Variants in CAMKK2 observed in about 807,000 individuals in gnomAD.
CAMKK2 encodes calcium/calmodulin-dependent protein kinase kinase 2.
CAMKK2 carries 30 observed loss-of-function variants against 67.2 expected under a neutral mutation model. The observed-to-expected ratio is 0.45, with a 90% confidence interval of 0.33 to 0.61. The LOEUF (loss-of-function observed/expected upper bound fraction) is 0.61. Among genes scored for constraint, CAMKK2 ranks in the 20% least tolerant of loss-of-function variants. The pLI, the probability that CAMKK2 is intolerant of heterozygous loss-of-function variation, is 0.02. For synonymous variants in CAMKK2, 322 were observed against 326.2 expected (o/e 0.99, Z 0.14); for missense variants, 643 against 802.0 (o/e 0.80, Z 2.39).
rs200126033 is a variant in CAMKK2 at position 121,244,026 on chromosome 12, G to C, written c.1596+547C>G. 13 of 1,567,606 alleles carry C rather than the reference G, an allele frequency of 8.3e-6. No homozygotes were observed. The African/African-American group carries it at 1.8e-4, about 21-fold the overall frequency. On this transcript the variant is annotated intron_variant, in intron 16 of 16. Transcript: ENST00000404169. ...TTCTGGTCACCTGGGCTGGCTATGT[G>C]TATGAAGGAAGGGTGGCTGACAGCA...
rs200997779 is a variant in CAMKK2 at position 121,252,633 on chromosome 12, T to C, written c.1161+28A>G. Reference sequence around the variant, plus strand: ...TAACCCAGGGGCCACCCAGCAGTACTGAGGGGACAGACACCCCGCCCTCTT... The same window carrying C: ...TAACCCAGGGGCCACCCAGCAGTACCGAGGGGACAGACACCCCGCCCTCTT... On this transcript the variant is annotated intron_variant, in intron 11 of 16. Transcript: ENST00000404169. 22 of 1,610,574 alleles carry C rather than the reference T, an allele frequency of 1.4e-5. No individual in the cohort carries two copies. In the African/African-American group the frequency reaches 2.9e-4, roughly 22 times the overall value.
In CAMKK2 at chr12:121,248,746, G is replaced by A. The variant is rs200461788; in HGVS notation, c.1324-12C>T. ...ACCCAGGGGTGCAGCTTCAACGAAC[G>A]ACAGGAGGGGTGAGGGGCAGGTGTG... On this transcript the variant is annotated splice_polypyrimidine_tract_variant and intron_variant, in intron 13 of 16. Transcript: ENST00000404169. 22 of 1,613,622 alleles carry A rather than the reference G, an allele frequency of 1.4e-5. No individual in the cohort carries two copies. Among genetic ancestry groups the A allele is most frequent in the Middle Eastern group, 1.6e-4 (1 of 6,084 alleles).
intron 13 of CAMKK2, among the ~76,000 whole-genome samples, chr12:121,249,576 T>C (rs1890224425): frequency 6.6e-6 from 1 of 152,108 alleles, no homozygotes; most frequent in Admixed American, 6.6e-5. Context: ...TGGCGGGTCA[T>C]AGATCCCACT....
intron 1 of CAMKK2, among the ~76,000 whole-genome samples, chr12:121,288,439 T>C (rs538154875): frequency 3.9e-4 from 59 of 151,946 alleles, no homozygotes; most frequent in Non-Finnish European, 7.8e-4. Flanking sequence ...GGGCCCAACG[T>C]CCCCACACCT....
intron 14 of CAMKK2, 71 bp downstream of exon 14, chr12:121,248,535 G>T: frequency 6.3e-7 from 1 of 1,588,070 alleles, no homozygotes; most frequent in Non-Finnish European, 8.6e-7. Flanking sequence ...GCCTGTGTCC[G>T]GCCTGTCCTG....
At chr12:121,256,564 C>T (rs1892341398) in intron 7 of CAMKK2, among the ~76,000 whole-genome samples, 1 of 152,112 alleles carries the variant, frequency 6.6e-6, no homozygotes. Context: ...TTCTTCCCTC[C>T]CTCAATCCCC....
chr12:121,278,087 G>T (rs1897133895), intron 1 of CAMKK2, among the ~76,000 whole-genome samples: 1 of 152,146 alleles, frequency 6.6e-6, no homozygotes, highest in African/African-American at 2.4e-5. Context: ...TCAGGAGAGG[G>T]GAGCAGTTGG....
In CAMKK2 at chr12:121,240,596, A is replaced by G; in HGVS notation, c.*103T>C. The G allele has an allele frequency of 5.2e-6, 8 of 1,533,626 alleles. No individual in the cohort carries two copies. The highest frequency in any genetic ancestry group is 6.1e-6 in the Non-Finnish European group (7 of 1,146,414). On this transcript the variant is annotated 3_prime_UTR_variant, in exon 17 of 17. Transcript: ENST00000404169. This position sits in a 1 kb window ranked among gnomAD's most constrained non-coding sequence, Gnocchi z 4.4. ...AACCAGAGATGACGATCGAGGCTCT[A>G]CACACGTGCTGGGTTTCCGTAGGAC... is the stretch of plus-strand genomic sequence containing the variant.
Position 121,245,307 on chromosome 12 carries a change from A to ATCC in CAMKK2, c.1453-70_1453-68dup. ...CCATGTGGGGGCGATTCTGGGCAACATCCTCCCTCTTCCTTCTCCCCAGCC... is the reference window on the plus strand; with the variant it reads ...CCATGTGGGGGCGATTCTGGGCAACATCCTCCTCCCTCTTCCTTCTCCCCAGCC... On this transcript the variant is annotated intron_variant, in intron 14 of 16. Coordinates refer to ENST00000404169, the MANE Select transcript of CAMKK2 (RefSeq NM_001270485.2). This position sits in a 1 kb window ranked among gnomAD's most constrained non-coding sequence, Gnocchi z 5.8. 1.0e-6 allele frequency: 1 copy of ATCC among 964,284 alleles called. No individual in the cohort carries two copies. The highest frequency in any genetic ancestry group is 2.0e-5 in the Admixed American group (1 of 50,192). The allele number at this position is 964,284 out of a possible 1,614,324, so 59.7% of individuals were successfully genotyped here.
rs578159967 is a variant in CAMKK2, at chr12:121,285,460, A to T, written c.-59-10875T>A. On this transcript the variant is annotated intron_variant, in intron 1 of 16. Transcript: ENST00000404169. This position sits in a 1 kb window ranked among gnomAD's most constrained non-coding sequence, Gnocchi z 4.1. ...GGAGGTTGCAGTGAGCCAAGATTGCACCACTGCACTCCAGCCTGGGCAACA... is the reference window on the plus strand; with the variant it reads ...GGAGGTTGCAGTGAGCCAAGATTGCTCCACTGCACTCCAGCCTGGGCAACA... Among the ~76,000 whole-genome samples the T allele has an allele frequency of 6.6e-6, 1 of 152,138 alleles. No individual in the cohort carries two copies. The highest frequency in any genetic ancestry group is 2.4e-5 in the African/African-American group (1 of 41,506).
At chr12:121,289,722 G>A (rs535812952) in intron 1 of CAMKK2, among the ~76,000 whole-genome samples, 71 of 152,086 alleles carry the variant, frequency 4.7e-4, no homozygotes, top group African/African-American at 1.6e-3. Context: ...GTGAAACCTC[G>A]TCTCCACTAA....
intron 11 of CAMKK2, among the ~76,000 whole-genome samples, chr12:121,250,619 C>T (rs1050877146): frequency 1.3e-5 from 2 of 152,032 alleles, no homozygotes; most frequent in Non-Finnish European, 2.9e-5. Flanking sequence ...ATGCCGCCAC[C>T]GCCCACATCA....
intron 14 of CAMKK2, among the ~76,000 whole-genome samples, chr12:121,247,844 AG>A: frequency 6.6e-6 from 1 of 152,166 alleles, no homozygotes; most frequent in Admixed American, 6.5e-5. Flanking sequence ...CCCAGAGCCC[AG>A]GGGCCCGCCG....
intron 2 of CAMKK2, among the ~76,000 whole-genome samples, chr12:121,271,957 G>T (rs562418812): frequency 4.8e-4 from 73 of 152,060 alleles, no homozygotes; most frequent in Admixed American, 8.5e-4. Context: ...TTATCCTCCC[G>T]CCTTGGCCTC....
In CAMKK2 at chr12:121,240,212, T is replaced by A; in HGVS notation, c.*487A>T. ...TGCTCTGACTCCTTGAGACCACGGC[T>A]CTGGAAGGTGCCATGGTTTCCGGTT... On this transcript the variant is annotated 3_prime_UTR_variant, in exon 17 of 17. Coordinates refer to ENST00000404169, the MANE Select transcript of CAMKK2 (RefSeq NM_001270485.2). This position sits in a 1 kb window ranked among gnomAD's most constrained non-coding sequence, Gnocchi z 4.4. 1.7e-6 allele frequency: 1 copy of A among 584,140 alleles called. No homozygotes were observed. 36.2% of individuals were successfully genotyped at this position (584,140 alleles called of 1,614,324 possible).
At chr12:121,266,809 TTC>T (rs1309269169) in intron 5 of CAMKK2, among the ~76,000 whole-genome samples, 6 of 151,860 alleles carry the variant, frequency 4.0e-5, no homozygotes, top group Admixed American at 2.6e-4. Flanking sequence ...CTTATCTAAT[TTC>T]TCTTTTTGGC....
In CAMKK2 at chr12:121,240,147, A is replaced by C. The variant is rs1180930827; in HGVS notation, c.*552T>G. 1.0e-5 allele frequency: 4 copies of C among 386,190 alleles called. No homozygotes were observed. Among genetic ancestry groups the C allele is most frequent in the Admixed American group, 4.2e-5 (1 of 24,060 alleles). 23.9% of individuals were successfully genotyped at this position (386,190 alleles called of 1,614,324 possible). A position where few individuals can be genotyped will look rare whatever the true frequency, so the allele number is the denominator to read the frequency against. On this transcript the variant is annotated 3_prime_UTR_variant, in exon 17 of 17. Transcript: ENST00000404169. The surrounding 1 kb of genome is among the most constrained non-coding windows in gnomAD (Gnocchi z 4.4). ...AATTTAAAAATCCTTCTTACAAATA[A>C]GTTGCATCAAAGCTCCCTGCAGCTA...
intron 1 of CAMKK2, among the ~76,000 whole-genome samples, chr12:121,284,175 A>T (rs1898298834): frequency 6.6e-6 from 1 of 152,280 alleles, no homozygotes; most frequent in Non-Finnish European, 1.5e-5. Flanking sequence ...ACAGGTGCAC[A>T]TCAGTGGTCA....
chr12:121,244,483 C>T, intron 16 of CAMKK2, 90 bp downstream of exon 16: 1 of 1,256,740 alleles, frequency 8.0e-7, no homozygotes, highest in Non-Finnish European at 1.1e-6. Flanking sequence ...GGAGCATCTG[C>T]CCGGGTGGGG....
Sources: allele counts gnomAD v4.1 joint callset (sites outside exome capture counted in the v4.1 genomes callset), GRCh38; gene constraint gnomAD v4.1.1; non-coding constraint Gnocchi (gnomAD v3.1); transcripts MANE v1.5; gene names NCBI Gene and HGNC (gene_info 2026-07-23, HGNC 2026-07-21).